DCLK1: variants seen among roughly 807,000 people sequenced by gnomAD.
DCLK1 encodes doublecortin like kinase 1.
DCLK1 carries 16 observed loss-of-function variants against 86.2 expected under a neutral mutation model. The observed-to-expected ratio is 0.19, with a 90% CI of 0.13 to 0.28. The LOEUF is 0.28. Among genes scored for constraint, DCLK1 ranks in the 10% least tolerant of loss-of-function variants. DCLK1 has a pLI of 1.00. For missense variants in DCLK1, 590 were observed against 940.2 expected, an observed-to-expected ratio of 0.63 and a Z score of 4.87; for synonymous variants, 369 against 370.5, an observed-to-expected ratio of 1.00 and a Z score of 0.05.
intron 3 of DCLK1, among the ~76,000 whole-genome samples, chr13:35,954,018 A>G (rs1877841915): frequency 6.6e-6 from 1 of 152,154 alleles, no homozygotes; most frequent in African/African-American, 2.4e-5. Context: ...AGAAGTAAAA[A>G]CGAATAAATT....
At chr13:36,015,678 C>T (rs2153149293) in intron 3 of DCLK1, among the ~76,000 whole-genome samples, 1 of 152,212 alleles carries the variant, frequency 6.6e-6, no homozygotes, top group African/African-American at 2.4e-5. Flanking sequence ...GCCATTAGCC[C>T]ATACTACCAA....
At position 35,988,174 on chromosome 13, in the gene DCLK1, G is replaced by A. The variant is rs377277877; in HGVS notation, c.724-40717C>T. ...TGGCTGGAGTGCCACTGTTCTCAGC[G>A]CTGGGATGCGTCGGCCCCCGCCGCA... On this transcript the variant is annotated intron_variant, in intron 3 of 16. Coordinates refer to ENST00000360631, the MANE Select transcript of DCLK1 (RefSeq NM_001330071.2). Among the ~76,000 whole-genome samples the A allele has an allele frequency of 3.2e-4, 49 of 152,334 alleles. 1 individual carries two copies. In the East Asian group the frequency reaches 6.7e-3, roughly 21 times the overall value.
chr13:36,022,540 AAGAG>A (rs1881827314), intron 3 of DCLK1, among the ~76,000 whole-genome samples: 1 of 152,136 alleles, frequency 6.6e-6, no homozygotes, highest in Non-Finnish European at 1.5e-5. Context: ...TTGAGAAAAA[AAGAG>A]AGAAATCTCA....
chr13:35,862,756 A>G (rs1871497073), intron 5 of DCLK1, among the ~76,000 whole-genome samples: 1 of 152,306 alleles, frequency 6.6e-6, no homozygotes, highest in South Asian at 2.1e-4. Context: ...CTTAGCTCAC[A>G]CTGGGAGGGA....
intron 4 of DCLK1, among the ~76,000 whole-genome samples, chr13:35,907,042 C>G (rs1305953481): frequency 1.3e-5 from 2 of 152,194 alleles, no homozygotes; most frequent in Non-Finnish European, 2.9e-5. Flanking sequence ...GCCATGACTC[C>G]AAGACTGGTT....
At chr13:36,068,286 C>G (rs1410719612) in intron 3 of DCLK1, among the ~76,000 whole-genome samples, 1 of 152,132 alleles carries the variant, frequency 6.6e-6, no homozygotes, top group Non-Finnish European at 1.5e-5. Flanking sequence ...GCATTTGACA[C>G]TGTACATAGT....
intron 3 of DCLK1, among the ~76,000 whole-genome samples, chr13:35,948,179 T>C (rs1276755275): frequency 6.6e-6 from 1 of 152,256 alleles, no homozygotes; most frequent in African/African-American, 2.4e-5. Context: ...CAAGTAAATG[T>C]GATCAAAATG....
At chr13:36,030,582 C>T (rs1343912825) in intron 3 of DCLK1, among the ~76,000 whole-genome samples, 5 of 151,458 alleles carry the variant, frequency 3.3e-5, no homozygotes, top group Non-Finnish European at 5.9e-5. Context: ...GCTGGGATTA[C>T]AGGCGTGAGC....
intron 6 of DCLK1, chr13:35,848,215 A>AT (rs1242002799): frequency 1.4e-5 from 14 of 985,034 alleles, no homozygotes; most frequent in South Asian, 4.7e-5. Flanking sequence ...TCATTGCCGA[A>AT]TTTTTTTTAT....
intron 16 of DCLK1, among the ~76,000 whole-genome samples, chr13:35,788,926 T>C (rs1278838958): frequency 6.6e-6 from 1 of 152,176 alleles, no homozygotes; most frequent in East Asian, 1.9e-4. Flanking sequence ...ATTTTCTCTA[T>C]GAAAATATGG....
At chr13:35,891,264 T>TA (rs1169470529) in intron 4 of DCLK1, among the ~76,000 whole-genome samples, 39 of 151,950 alleles carry the variant, frequency 2.6e-4, no homozygotes, top group South Asian at 2.1e-3. Flanking sequence ...ATAATTTTTT[T>TA]AAAAAAAACA....
At chr13:35,841,956 G>A (rs1383879357) in intron 6 of DCLK1, among the ~76,000 whole-genome samples, 1 of 151,930 alleles carries the variant, frequency 6.6e-6, no homozygotes, top group Non-Finnish European at 1.5e-5. Flanking sequence ...AATCCCAGTG[G>A]GTGGTCAGAT....
intron 6 of DCLK1, among the ~76,000 whole-genome samples, chr13:35,852,768 A>G (rs1308970699): frequency 6.6e-6 from 1 of 152,240 alleles, no homozygotes; most frequent in African/African-American, 2.4e-5. Context: ...ACATCTGAGC[A>G]CAGCTTTACA....
At chr13:36,045,326 G>GTA (rs1882846261) in intron 3 of DCLK1, among the ~76,000 whole-genome samples, 10 of 60,930 alleles carry the variant, frequency 1.6e-4, no homozygotes, top group South Asian at 7.3e-4. Context: ...ATATGTGTGT[G>GTA]TGTGTGTATA....
rs1183096128 is a variant in DCLK1 at position 35,772,631 on chromosome 13, T to A, written c.*1904A>T. ...ACTAATTTACTGATTTATGCTACTT[T>A]GTGATTTTGCGTGTTATCACTTCCG... is the stretch of plus-strand genomic sequence containing the variant. On this transcript the variant is annotated 3_prime_UTR_variant, in exon 17 of 17. Transcript: ENST00000360631. The A allele has an allele frequency of 6.6e-6, 1 of 151,564 alleles. No individual in the cohort carries two copies. Among genetic ancestry groups the A allele is most frequent in the African/African-American group, 2.4e-5 (1 of 41,136 alleles). 9.4% of individuals were successfully genotyped at this position (151,564 alleles called of 1,614,324 possible). A position where few individuals can be genotyped will look rare whatever the true frequency, so the allele number is the denominator to read the frequency against.
intron 11 of DCLK1, among the ~76,000 whole-genome samples, chr13:35,814,696 G>A (rs12430555): frequency 5.3e-5 from 8 of 152,218 alleles, no homozygotes; most frequent in Admixed American, 5.2e-4. Flanking sequence ...TACTATAGAT[G>A]TTCCCCCACA....
rs185646764 is a variant in DCLK1, at chr13:36,002,472, G to A, written c.724-55015C>T. ...TAACAACAGATTTTCTTGGAGGAAT[G>A]GCAATCTTTTTTAGGGTTTAAAAAG... On this transcript the variant is annotated intron_variant, in intron 3 of 16. Transcript: ENST00000360631. Among the ~76,000 whole-genome samples, 28 of 152,280 alleles carry A rather than the reference G, an allele frequency of 1.8e-4. No individual in the cohort carries two copies. In the East Asian group the frequency reaches 4.8e-3, roughly 26 times the overall value.
intron 3 of DCLK1, among the ~76,000 whole-genome samples, chr13:36,087,893 C>T (rs541790053): frequency 6.6e-6 from 1 of 152,188 alleles, no homozygotes; most frequent in Non-Finnish European, 1.5e-5. Flanking sequence ...GGGCAAGAGG[C>T]ACAAAACCTG....
At chr13:35,867,903 GAAAGAA>G (rs1871928444) in intron 5 of DCLK1, among the ~76,000 whole-genome samples, 1 of 90,554 alleles carries the variant, frequency 1.1e-5, no homozygotes, top group African/African-American at 4.4e-5. Flanking sequence ...AAGAGAGAAA[GAAAGAA>G]AAAGAAAGAA....
Sources: gnomAD v4.1 joint callset for allele counts (sites outside exome capture counted in the v4.1 genomes callset) on GRCh38, gnomAD v4.1.1 for gene constraint, MANE v1.5 for transcripts, NCBI Gene and HGNC (gene_info 2026-07-23, HGNC 2026-07-21) for gene names.